VCAN: variants seen among roughly 807,000 people sequenced by gnomAD.
The protein encoded by VCAN is versican.
A neutral mutation model predicts 245.5 loss-of-function variants in VCAN; 44 were observed. The observed-to-expected ratio is 0.18, with a 90% confidence interval of 0.14 to 0.23. The LOEUF (loss-of-function observed/expected upper bound fraction) is 0.23, where lower values mean the gene tolerates loss of function less well. Ranked by LOEUF, VCAN falls within the 10% of genes least tolerant of loss-of-function variation. VCAN has a pLI of 1.00. For synonymous variants in VCAN, 1,413 were observed against 1,437.0 expected (o/e 0.98, Z 0.38); for missense variants, 3,793 against 4,057.9 (o/e 0.93, Z 1.77).
chr5:83,566,287 C>T (rs1433430995), intron 12 of VCAN, among the ~76,000 whole-genome samples: 1 of 152,010 alleles, frequency 6.6e-6, no homozygotes, highest in African/African-American at 2.4e-5. Flanking sequence ...TTAACCTTTG[C>T]AAAAAGGCAG....
chr5:83,512,867 C>G (rs921405592), intron 6 of VCAN: 1 of 154,928 alleles, frequency 6.5e-6, no homozygotes, highest in Non-Finnish European at 1.4e-5. Flanking sequence ...CATGGATACT[C>G]AAAATGTTCA....
At position 83,520,183 on chromosome 5, in the gene VCAN, A is replaced by G. The variant is rs916556620; in HGVS notation, c.1877A>G (p.Gln626Arg). The change falls in exon 7 of 15, where the codon CAA becomes CGA. Residue 626 changes from glutamine (Q) to arginine (R), a missense_variant. Physicochemically the swap from Gln to Arg is conservative, Grantham distance 43 (BLOSUM62 1). This residue lies in a region of VCAN where 3,182 missense variants were observed against 3,250.3 expected (regional missense o/e 0.98). Transcript: ENST00000265077. ...TCCATGGATGACTGGGAAGAGAGAC[A>G]AACTAGTGGTAGGATAACGGAAGAG... ...GSSMDDWEER[Q>R]TSGRITEEFL... The G allele has an allele frequency of 1.2e-6, 2 of 1,613,920 alleles. No homozygotes were observed. The highest frequency in any genetic ancestry group is 1.7e-5 in the Admixed American group (1 of 59,986).
Position 83,539,747 on chromosome 5 carries a change from T to C in VCAN, c.6744T>C (p.Asp2248=). The part of the protein sequence containing the change: ...KGMRPTIQES[D]TELLFSGLGS... ...TGAGACCAACAATTCAAGAGTCAGA[T>C]ACTGAGCTCTTATTCTCTGGACTGG... The change falls in exon 8 of 15, where the codon GAT becomes GAC. Residue 2248 remains aspartate, a synonymous_variant. Coordinates refer to ENST00000265077, the MANE Select transcript of VCAN (RefSeq NM_004385.5). The C allele has an allele frequency of 1.2e-6, 2 of 1,613,964 alleles. No homozygotes were observed. Among genetic ancestry groups the C allele is most frequent in the Non-Finnish European group, 8.5e-7 (1 of 1,179,994 alleles).
intron 5 of VCAN, among the ~76,000 whole-genome samples, chr5:83,503,957 G>T (rs1745406999): frequency 6.6e-6 from 1 of 152,086 alleles, no homozygotes; most frequent in Admixed American, 6.6e-5. Context: ...TTTCATCATT[G>T]CTTGCCATTT....
Position 83,519,484 on chromosome 5 carries a change from C to T in VCAN, c.1178C>T (p.Thr393Ile). ...PLVDELPVIP[T>I]EFPPVGNIVS... is the part of the protein sequence containing the mutation. Reference sequence around the variant, plus strand: ...GTTGATGAATTACCTGTCATTCCAACAGAGTTCCCTCCCGTGGGAAATATT... The same window carrying T: ...GTTGATGAATTACCTGTCATTCCAATAGAGTTCCCTCCCGTGGGAAATATT... Residue 393 changes from threonine to isoleucine, a missense_variant, in exon 7 of 15, where the codon ACA becomes ATA. Physicochemically the swap from Thr to Ile is moderately conservative, Grantham distance 89. Around this residue, in one of 5 missense-constraint regions of VCAN, gnomAD observed 3,182 missense variants for 3,250.3 expected, o/e 0.98. Coordinates refer to ENST00000265077, the MANE Select transcript of VCAN (RefSeq NM_004385.5). 1 of 1,614,146 alleles carries T rather than the reference C, an allele frequency of 6.2e-7. No individual in the cohort carries two copies. Among genetic ancestry groups the T allele is most frequent in the Middle Eastern group, 1.6e-4 (1 of 6,062 alleles).
In VCAN at chr5:83,521,652, A is replaced by G. The variant is rs745510517; in HGVS notation, c.3346A>G (p.Thr1116Ala). The change falls in exon 7 of 15, where the codon ACA (threonine) becomes GCA (alanine). Residue 1116 changes from threonine (T) to alanine (A), a missense_variant. By Grantham distance (58) the Thr-to-Ala change is moderately conservative. Around this residue, in one of 5 missense-constraint regions of VCAN, gnomAD observed 3,182 missense variants for 3,250.3 expected, o/e 0.98. Transcript: ENST00000265077. ...TGCTGTAACTGAGCACAAAGTGAAA[A>G]CAGATGAAGTGGTAACACTAACACC... ...PGAVTEHKVK[T>A]DEVVTLTPRI... 4.3e-6 allele frequency: 7 copies of G among 1,613,896 alleles called. No homozygotes were observed. The highest frequency in any genetic ancestry group is 5.9e-6 in the Non-Finnish European group (7 of 1,180,022).
At position 83,545,583 on chromosome 5, in the gene VCAN, T is replaced by C. The variant is rs370053498; in HGVS notation, c.9312T>C (p.Cys3104=). 1.4e-4 allele frequency: 234 copies of C among 1,614,036 alleles called. No individual in the cohort carries two copies. The highest frequency in any genetic ancestry group is 1.9e-4 in the Non-Finnish European group (220 of 1,179,998). ...ACCCGTGCCTTAACGGAGGCACCTG[T>C]TATCCTACTGAAACTTCCTACGTAT... ...KMNPCLNGGT[C]YPTETSYVCT... Residue 3104 remains cysteine (C), a synonymous_variant, in exon 9 of 15, where the codon TGT becomes TGC. Coordinates refer to ENST00000265077, the MANE Select transcript of VCAN (RefSeq NM_004385.5).
chr5:83,536,176 C>G (rs914515822), intron 7 of VCAN: 7 of 152,146 alleles, frequency 4.6e-5, no homozygotes, highest in African/African-American at 1.7e-4. Context: ...AGATAGGACT[C>G]CTGAACTTTC....
rs1321963515 is a variant in VCAN at position 83,542,125 on chromosome 5, A to G, written c.9122A>G (p.Asn3041Ser). 6 of 1,613,988 alleles carry G rather than the reference A, an allele frequency of 3.7e-6. No homozygotes were observed. Among genetic ancestry groups the G allele is most frequent in the African/African-American group, 1.3e-5 (1 of 74,918 alleles). Reference sequence around the variant, plus strand: ...GTGGCAGCGAGAATTCTTGATTCCAATGATCAGGCAACAGTAAACCCTGTG... The same window carrying G: ...GTGGCAGCGAGAATTCTTGATTCCAGTGATCAGGCAACAGTAAACCCTGTG... ...QQVAARILDS[N>S]DQATVNPVEF... The change falls in exon 8 of 15, where the codon AAT (asparagine) becomes AGT (serine). Residue 3041 changes from asparagine to serine, a missense_variant. Physicochemically the swap from Asn to Ser is conservative, Grantham distance 46. Coordinates refer to ENST00000265077, the MANE Select transcript of VCAN (RefSeq NM_004385.5).
rs372569802 is a variant in VCAN at position 83,538,889 on chromosome 5, A to G, written c.5886A>G (p.Ala1962=). 1.9e-6 allele frequency: 3 copies of G among 1,613,978 alleles called. No individual in the cohort carries two copies. The highest frequency in any genetic ancestry group is 2.5e-6 in the Non-Finnish European group (3 of 1,179,950). The change falls in exon 8 of 15, where the codon GCA becomes GCG. Residue 1962 remains alanine, a synonymous_variant. Transcript: ENST00000265077. ...TAATGATGGAAGGCTCTGGAGATGCAGCATTTAGGGACACCCAGACTTCAC... is the reference window on the plus strand; with the variant it reads ...TAATGATGGAAGGCTCTGGAGATGCGGCATTTAGGGACACCCAGACTTCAC... ...ETVMMEGSGD[A]AFRDTQTSPS...
intron 5 of VCAN, among the ~76,000 whole-genome samples, chr5:83,503,253 A>C (rs1338434436): frequency 6.6e-6 from 1 of 152,180 alleles, no homozygotes; most frequent in Non-Finnish European, 1.5e-5. Flanking sequence ...AAGAAAAAGA[A>C]AGTGTTGAAA....
rs1420200505 is a variant in VCAN at position 83,582,186 on chromosome 5, A to G, written c.*1752A>G. 6.6e-6 allele frequency: 1 copy of G among 152,162 alleles called. No homozygotes were observed. Among genetic ancestry groups the G allele is most frequent in the Admixed American group, 6.6e-5 (1 of 15,256 alleles). 9.4% of individuals were successfully genotyped at this position (152,162 alleles called of 1,614,324 possible). ...AATACTTTCCTGTATTTATATCATA[A>G]CGTGTATAGTGTAAAATGTGAATGA... On this transcript the variant is annotated 3_prime_UTR_variant, in exon 15 of 15. Transcript: ENST00000265077.
chr5:83,545,657 T>C lies in VCAN; in HGVS notation c.9379+7T>C, dbSNP rs695103. On this transcript the variant is annotated splice_region_variant and intron_variant, in intron 9 of 14. Transcript: ENST00000265077. ...GGAGACCAGTGTGAACTTGGTAAGA[T>C]GGTACTTGGCTGAAAAGGTGCAGTT... 200,005 of 1,608,182 alleles carry C rather than the reference T, an allele frequency of 0.12. 15,074 individuals carry two copies. Among genetic ancestry groups the C allele is most frequent in the South Asian group, 0.31 (28,628 of 90,980 alleles).
chr5:83,490,042 T>C lies in VCAN; in HGVS notation c.71-56T>C, dbSNP rs1250289434. ...GCTGCTTATCCATTCACATATTGAA[T>C]AGATTAAGTTTGGGTTTTTTAAGAT... On this transcript the variant is annotated intron_variant, in intron 2 of 14. Coordinates refer to ENST00000265077, the MANE Select transcript of VCAN (RefSeq NM_004385.5). 18 of 1,599,550 alleles carry C rather than the reference T, an allele frequency of 1.1e-5. No homozygotes were observed. The Admixed American group carries it at 3.0e-4, about 27-fold the overall frequency.
chr5:83,580,498 C>A lies in VCAN; in HGVS notation c.*64C>A. The A allele has an allele frequency of 5.0e-6, 8 of 1,603,120 alleles. No individual in the cohort carries two copies. The highest frequency in any genetic ancestry group is 6.8e-6 in the Non-Finnish European group (8 of 1,174,176). On this transcript the variant is annotated 3_prime_UTR_variant, in exon 15 of 15. Transcript: ENST00000265077. Reference sequence around the variant, plus strand: ...CAAAGTCCTAACTTCCTGTGCCTTTCCTATCACCTCGAGAAGTAATTATCA... The same window carrying A: ...CAAAGTCCTAACTTCCTGTGCCTTTACTATCACCTCGAGAAGTAATTATCA...
At chr5:83,483,140 C>T (rs537018969) in intron 1 of VCAN, among the ~76,000 whole-genome samples, 1 of 152,290 alleles carries the variant, frequency 6.6e-6, no homozygotes, top group South Asian at 2.1e-4. Flanking sequence ...TTTGTGGTCA[C>T]CCATTTCTTT....
chr5:83,570,280 A>G (rs1748240482), intron 12 of VCAN, among the ~76,000 whole-genome samples: 1 of 151,944 alleles, frequency 6.6e-6, no homozygotes, highest in Non-Finnish European at 1.5e-5. Context: ...TTTGACAAAA[A>G]AACAACTTCC....
intron 2 of VCAN, among the ~76,000 whole-genome samples, chr5:83,486,340 A>G (rs1369170951): frequency 1.3e-5 from 2 of 152,148 alleles, no homozygotes; most frequent in African/African-American, 2.4e-5. Context: ...TTGTGTGTTG[A>G]CTAAATGAGT....
intron 13 of VCAN, among the ~76,000 whole-genome samples, chr5:83,573,087 A>T (rs753507970): frequency 2.6e-4 from 39 of 151,762 alleles, no homozygotes; most frequent in Non-Finnish European, 5.2e-4. Flanking sequence ...TTTAGTAGAG[A>T]TGGGGTTTCA....
Sources: gnomAD v4.1 joint callset for allele counts (sites outside exome capture counted in the v4.1 genomes callset) on GRCh38, gnomAD v4.1.1 for gene constraint, gnomAD v4.1.1 regional missense constraint, MANE v1.5 for transcripts, NCBI Gene and HGNC (gene_info 2026-07-23, HGNC 2026-07-21) for gene names.